The following CRAMP1 variants were observed in gnomAD, a reference collection of about 807,000 sequenced individuals.
CRAMP1 encodes cramped chromatin regulator 1, also known as protein cramped-like.
CRAMP1 carries 50 observed loss-of-function variants against 115.4 expected under a neutral mutation model. The observed-to-expected ratio is 0.43, with a 90% confidence interval of 0.35 to 0.55. The LOEUF (loss-of-function observed/expected upper bound fraction) is 0.55, where lower values mean the gene tolerates loss of function less well. Among genes scored for constraint, CRAMP1 ranks in the 20% least tolerant of loss-of-function variants. The pLI is 0.01. For missense variants in CRAMP1, 1,679 were observed against 1,721.7 expected (o/e 0.98, Z 0.44); for synonymous variants, 866 against 745.4 (o/e 1.16, Z -2.64).
intron 19 of CRAMP1, among the ~76,000 whole-genome samples, chr16:1,670,149 C>G (rs894320442): frequency 2.0e-5 from 3 of 151,610 alleles, no homozygotes; most frequent in African/African-American, 7.3e-5. Context: ...GCCTGTAGTC[C>G]CAGCAACTCG....
In CRAMP1 at chr16:1,662,833, C is replaced by G; in HGVS notation, c.2668C>G (p.Gln890Glu). 6.2e-7 allele frequency: 1 copy of G among 1,613,380 alleles called. No homozygotes were observed. Among genetic ancestry groups the G allele is most frequent in the South Asian group, 1.1e-5 (1 of 91,034 alleles). The change falls in exon 13 of 21, where the codon CAG becomes GAG. Residue 890 changes from glutamine (Q) to glutamate (E), a missense_variant and splice_region_variant. Coordinates refer to ENST00000397412, the MANE Select transcript of CRAMP1 (RefSeq NM_020825.4). ...NRHLRKPLVVQRTLLPRPSEN... is the reference protein window; with the variant it reads ...NRHLRKPLVVERTLLPRPSEN... ...GCACCTGCGGAAGCCACTGGTGGTCCAGGTCAGGGTCTTCTCAAGTCTGAA... is the reference window on the plus strand; with the variant it reads ...GCACCTGCGGAAGCCACTGGTGGTCGAGGTCAGGGTCTTCTCAAGTCTGAA...
chr16:1,648,007 T>A (rs1333723219), intron 6 of CRAMP1, among the ~76,000 whole-genome samples: 2 of 152,106 alleles, frequency 1.3e-5, no homozygotes, highest in East Asian at 3.9e-4. Flanking sequence ...TCGTGTTCAG[T>A]GTCGCAGCCT....
At chr16:1,627,256 G>C (rs75191562) in intron 3 of CRAMP1, among the ~76,000 whole-genome samples, 7 of 151,554 alleles carry the variant, frequency 4.6e-5, no homozygotes, top group Non-Finnish European at 8.8e-5. Context: ...AGCAATTCTC[G>C]TGCCTCAGCC....
chr16:1,614,675 G>C lies in CRAMP1; in HGVS notation c.36G>C (p.Glu12Asp). The change falls in exon 2 of 21, where the codon GAG becomes GAC. Residue 12 changes from glutamate (E) to aspartate (D), a missense_variant. This residue lies in a region of CRAMP1 where 264 missense variants were observed against 229.7 expected (regional missense o/e 1.15). Coordinates refer to ENST00000397412, the MANE Select transcript of CRAMP1 (RefSeq NM_020825.4). This position sits in a 1 kb window ranked among gnomAD's most constrained non-coding sequence, Gnocchi z 4.4. ...AGTTGGGCGACGGCGGCAGCGGGGA[G>C]GACGGGCTCAAGAAGCTGGGCAAGC... ...TVKLGDGGSG[E>D]DGLKKLGKRA... is the part of the protein sequence containing the mutation. 1 of 1,308,372 alleles carries C rather than the reference G, an allele frequency of 7.6e-7. No individual in the cohort carries two copies. Among genetic ancestry groups the C allele is most frequent in the East Asian group, 3.2e-5 (1 of 31,680 alleles). 81.0% of individuals were successfully genotyped at this position (1,308,372 alleles called of 1,614,324 possible). A position where few individuals can be genotyped will look rare whatever the true frequency, so the allele number is the denominator to read the frequency against.
rs749103045 is a variant in CRAMP1 at position 1,676,255 on chromosome 16, A to G, written c.*2210A>G. 4 of 152,428 alleles carry G rather than the reference A, an allele frequency of 2.6e-5. No homozygotes were observed. The highest frequency in any genetic ancestry group is 6.5e-5 in the Admixed American group (1 of 15,300). 9.4% of individuals were successfully genotyped at this position (152,428 alleles called of 1,614,324 possible). ...CAGCGTAGACTCCTGGGAGCAGCCAACTGCAGCCATTGCCATCCAGTGGGG... is the reference window on the plus strand; with the variant it reads ...CAGCGTAGACTCCTGGGAGCAGCCAGCTGCAGCCATTGCCATCCAGTGGGG... On this transcript the variant is annotated 3_prime_UTR_variant, in exon 21 of 21. Transcript: ENST00000397412.
chr16:1,616,805 C>T (rs577334790), intron 2 of CRAMP1, among the ~76,000 whole-genome samples: 1 of 151,852 alleles, frequency 6.6e-6, no homozygotes, highest in African/African-American at 2.4e-5. Context: ...CCCACTTTAG[C>T]AAGCAAATAT....
intron 10 of CRAMP1, among the ~76,000 whole-genome samples, chr16:1,658,638 C>G (rs1333596996): frequency 2.0e-5 from 3 of 152,130 alleles, no homozygotes; most frequent in Non-Finnish European, 2.9e-5. Flanking sequence ...CCTGGTGGAG[C>G]TGTGACAAGC....
chr16:1,667,973 T>A lies in CRAMP1; in HGVS notation c.3114T>A (p.Val1038=). The change falls in exon 18 of 21, where the codon GTT becomes GTA. Residue 1038 remains valine, a synonymous_variant. Transcript: ENST00000397412. ...CTGTCTCCCAGCAGGGCTCATCTGT[T>A]CTCTCCTTATCTGAGCTGCCCAAGG... The part of the protein sequence containing the change: ...PVADSFQGSS[V]LSLSELPKAP... 2 of 1,608,282 alleles carry A rather than the reference T, an allele frequency of 1.2e-6. No homozygotes were observed. The highest frequency in any genetic ancestry group is 8.5e-7 in the Non-Finnish European group (1 of 1,176,286).
intron 6 of CRAMP1, among the ~76,000 whole-genome samples, chr16:1,648,477 C>T (rs775128064): frequency 5.3e-4 from 81 of 151,882 alleles, no homozygotes; most frequent in African/African-American, 1.8e-3. Flanking sequence ...TGGTGGTGGG[C>T]GCCTGTAGTC....
At chr16:1,634,725 C>G (rs1044405489) in intron 4 of CRAMP1, among the ~76,000 whole-genome samples, 3 of 152,206 alleles carry the variant, frequency 2.0e-5, no homozygotes, top group Non-Finnish European at 4.4e-5. Context: ...CTGTCTGCCT[C>G]CGTGCCAGCG....
In CRAMP1 at chr16:1,641,188, G is replaced by T; in HGVS notation, c.827+1G>T. On this transcript the variant is annotated splice_donor_variant, in intron 6 of 20. Coordinates refer to ENST00000397412, the MANE Select transcript of CRAMP1 (RefSeq NM_020825.4). LOFTEE classifies it high-confidence loss of function. Reference sequence around the variant, plus strand: ...AGCTGAATGAACTCATTCAGGTTGGGTAAGTCCCAGTTTCCATGTGAAACA... The same window carrying T: ...AGCTGAATGAACTCATTCAGGTTGGTTAAGTCCCAGTTTCCATGTGAAACA... 6.2e-7 allele frequency: 1 copy of T among 1,606,018 alleles called. No homozygotes were observed. Among genetic ancestry groups the T allele is most frequent in the Non-Finnish European group, 8.5e-7 (1 of 1,172,764 alleles).
In CRAMP1 at chr16:1,671,328, A is replaced by G. The variant is rs2036920292; in HGVS notation, c.3645+519A>G. On this transcript the variant is annotated intron_variant, in intron 20 of 20. Transcript: ENST00000397412. The surrounding 1 kb of genome is among the most constrained non-coding windows in gnomAD (Gnocchi z 5.0). The stretch of plus-strand genomic sequence containing the variant: ...TGCTTCTCCCACGCCCAGGGTAGTG[A>G]TAGGAGGAGTCACTGGGGCAGGTTC... 1.3e-5 allele frequency among the ~76,000 whole-genome samples: 2 copies of G among 152,138 alleles called. No individual in the cohort carries two copies. Among genetic ancestry groups the G allele is most frequent in the Non-Finnish European group, 2.9e-5 (2 of 68,018 alleles).
At chr16:1,652,665 C>A (rs2036734838) in intron 7 of CRAMP1, 84 bp downstream of exon 7, 3 of 1,251,044 alleles carry the variant, frequency 2.4e-6, no homozygotes, top group South Asian at 1.3e-5. Context: ...TACCGGGTTG[C>A]TGCCACAGTT....
rs373148310 is a variant in CRAMP1 at position 1,665,116 on chromosome 16, C to G, written c.2730C>G (p.Ile910Met). The G allele has an allele frequency of 1.2e-6, 2 of 1,612,238 alleles. No individual in the cohort carries two copies. The highest frequency in any genetic ancestry group is 2.7e-5 in the African/African-American group (2 of 74,896). The change falls in exon 14 of 21, where the codon ATC becomes ATG. Residue 910 changes from isoleucine (I) to methionine (M), a missense_variant. Physicochemically the swap from Ile to Met is conservative, Grantham distance 10. Transcript: ENST00000397412. ...CCCACAACGTTTGTTCCTTCTCCAT[C>G]CTGTCTAACTCTTCCGTAACTGGTA... ...NQSHNVCSFS[I>M]LSNSSVTGRG...
intron 10 of CRAMP1, among the ~76,000 whole-genome samples, chr16:1,658,507 C>T (rs957884716): frequency 3.9e-5 from 6 of 152,172 alleles, no homozygotes; most frequent in Admixed American, 2.0e-4. Context: ...AAGGCATCCC[C>T]ATCCCCTGGG....
At chr16:1,627,681 A>G (rs1433848050) in intron 3 of CRAMP1, among the ~76,000 whole-genome samples, 2 of 152,146 alleles carry the variant, frequency 1.3e-5, no homozygotes, top group Non-Finnish European at 2.9e-5. Context: ...TTGTCCAAAG[A>G]GAAGTGTGCA....
rs541467412 is a variant in CRAMP1, at chr16:1,652,645, C to T, written c.913+64C>T. ...CCATGGTGTCCCATTCAATGATGGG[C>T]AGGCTGAGCTACCGGGTTGCTGCCA... On this transcript the variant is annotated intron_variant, in intron 7 of 20. Coordinates refer to ENST00000397412, the MANE Select transcript of CRAMP1 (RefSeq NM_020825.4). The T allele has an allele frequency of 5.9e-5, 82 of 1,399,276 alleles. No individual in the cohort carries two copies. The African/African-American group carries it at 9.4e-4, about 16-fold the overall frequency. 86.7% of individuals were successfully genotyped at this position (1,399,276 alleles called of 1,614,324 possible).
intron 17 of CRAMP1, 120 bp from the exon 18 acceptor site, chr16:1,667,842 C>G (rs949085424): frequency 4.6e-6 from 3 of 651,334 alleles, no homozygotes; most frequent in Non-Finnish European, 8.2e-6. Context: ...GATGAGGTGA[C>G]TGCAGCGCTC....
chr16:1,652,471 C>A (rs1329416231), intron 6 of CRAMP1, 25 bp from the exon 7 acceptor site: 19 of 1,544,014 alleles, frequency 1.2e-5, no homozygotes, highest in Non-Finnish European at 1.4e-5. Flanking sequence ...CAGGCCTCAG[C>A]GTTCCTTCAA....
Sources: gnomAD v4.1 joint callset for allele counts (sites outside exome capture counted in the v4.1 genomes callset) on GRCh38, gnomAD v4.1.1 for gene constraint, gnomAD v4.1.1 regional missense constraint, Gnocchi (gnomAD v3.1) non-coding constraint, MANE v1.5 for transcripts, NCBI Gene and HGNC (gene_info 2026-07-23, HGNC 2026-07-21) for gene names.